The following ZSCAN18 variants were observed in gnomAD, a reference collection of about 807,000 sequenced individuals.
ZSCAN18 encodes the protein zinc finger and SCAN domain-containing protein 18.
Under a neutral mutation model 31.1 loss-of-function variants are expected in ZSCAN18, and 16 were observed. The ratio of observed to expected loss-of-function variants is 0.51; its 90% CI spans 0.35 to 0.78. ZSCAN18 has a LOEUF of 0.78. ZSCAN18 is among the 30% of genes least tolerant of loss of function. ZSCAN18 has a pLI of 0.01. For missense variants in ZSCAN18, 731 were observed against 697.4 expected, an observed-to-expected ratio of 1.05 and a Z score of -0.54; for synonymous variants, 375 against 320.7, an observed-to-expected ratio of 1.17 and a Z score of -1.81.
upstream of ZSCAN18, among the ~76,000 whole-genome samples, chr19:58,102,489 CA>C (rs573237832): frequency 0.017 from 2,515 of 152,012 alleles, 33 homozygotes; most frequent in Non-Finnish European, 0.023. Context: ...AACAAACAAA[CA>C]AACCATATAC....
chr19:58,116,537 G>T (rs2146033093), intron 1 of ZSCAN18, among the ~76,000 whole-genome samples: 1 of 152,226 alleles, frequency 6.6e-6, no homozygotes, highest in African/African-American at 2.4e-5. Flanking sequence ...CAGTTTCTGA[G>T]TTACAGCTCC....
intron 2 of ZSCAN18, among the ~76,000 whole-genome samples, chr19:58,089,301 T>TCC (rs1438799037): frequency 3.8e-4 from 3 of 7,864 alleles, no homozygotes; most frequent in African/African-American, 1.9e-3. Flanking sequence ...AGACTCCGTC[T>TCC]CAAAAAAAAA....
chr19:58,106,722 A>G lies in ZSCAN18; in HGVS notation c.130+11545T>C, dbSNP rs1420494517. On this transcript the variant is annotated intron_variant, in intron 1 of 1. Coordinates refer to the ZSCAN18 transcript ENST00000595721. ...CCGTCTCAAAAAAAAAAAAAAAAAA[A>G]AAAAAAGAAAGAAAGAAAAAAAGAC... is the stretch of plus-strand genomic sequence containing the variant. Among the ~76,000 whole-genome samples the G allele has an allele frequency of 4.1e-3, 41 of 10,062 alleles. 13 individuals are homozygous for G. Among genetic ancestry groups the G allele is most frequent in the African/African-American group, 7.2e-3 (40 of 5,522 alleles). The allele number at this position is 10,062 out of a possible 152,430, so 6.6% of individuals were successfully genotyped here.
rs1056769083 is a variant in ZSCAN18, at chr19:58,084,025, C to T, written c.*660G>A. ...GCCTTTACTACATGATGCATTCTGGCCTACTTTATTCTGCTTCATTGCTGT... is the reference window on the plus strand; with the variant it reads ...GCCTTTACTACATGATGCATTCTGGTCTACTTTATTCTGCTTCATTGCTGT... On this transcript the variant is annotated 3_prime_UTR_variant, in exon 7 of 7. Transcript: ENST00000601144. This position sits in a 1 kb window ranked among gnomAD's most constrained non-coding sequence, Gnocchi z 4.5. 1.3e-5 allele frequency: 2 copies of T among 152,182 alleles called. No homozygotes were observed. Among genetic ancestry groups the T allele is most frequent in the Non-Finnish European group, 2.9e-5 (2 of 68,040 alleles). 9.4% of individuals were successfully genotyped at this position (152,182 alleles called of 1,614,324 possible).
chr19:58,094,287 C>T (rs539154255), intron 1 of ZSCAN18, among the ~76,000 whole-genome samples: 47 of 151,310 alleles, frequency 3.1e-4, no homozygotes, highest in South Asian at 1.0e-3. Context: ...GGCAGGCGCC[C>T]GTAGTCCCAG....
At chr19:58,110,179 C>T (rs560054141) in intron 1 of ZSCAN18, among the ~76,000 whole-genome samples, 32 of 152,304 alleles carry the variant, frequency 2.1e-4, no homozygotes, top group African/African-American at 7.7e-4. Flanking sequence ...CATGCCCATC[C>T]TCTAGCTGTA....
chr19:58,116,659 A>G (rs1568647570), intron 1 of ZSCAN18, among the ~76,000 whole-genome samples: 1 of 152,130 alleles, frequency 6.6e-6, no homozygotes, highest in Non-Finnish European at 1.5e-5. Context: ...ACCTGATGCA[A>G]GCTCCATCAT....
At chr19:58,089,329 A>C (rs1196323817) in intron 2 of ZSCAN18, among the ~76,000 whole-genome samples, 1 of 131,614 alleles carries the variant, frequency 7.6e-6, no homozygotes, top group Admixed American at 7.8e-5. Flanking sequence ...AAAAAAAAAA[A>C]AAAAAAAAAG....
At position 58,086,037 on chromosome 19, in the gene ZSCAN18, A is replaced by G. The variant is rs118084515; in HGVS notation, c.838+137T>C. The stretch of plus-strand genomic sequence containing the variant: ...GTAACTGGATTCCTGCCTCACTCAG[A>G]CACGGTGGTGGGAGAATGGTGAAGC... On this transcript the variant is annotated intron_variant, in intron 6 of 6. Transcript: ENST00000601144. The G allele has an allele frequency of 2.9e-3, 2,013 of 689,616 alleles. 9 individuals carry two copies. The highest frequency in any genetic ancestry group is 4.3e-3 in the Non-Finnish European group (1,692 of 394,844). The allele number at this position is 689,616 out of a possible 1,614,324, so 42.7% of individuals were successfully genotyped here. A position where few individuals can be genotyped will look rare whatever the true frequency, so the allele number is the denominator to read the frequency against.
intron 1 of ZSCAN18, chr19:58,108,608 T>C (rs1213248632): frequency 7.1e-6 from 7 of 985,706 alleles, no homozygotes; most frequent in Non-Finnish European, 8.4e-6. Context: ...CTCTCTCCAG[T>C]ATGAGTCCTC....
intron 1 of ZSCAN18, among the ~76,000 whole-genome samples, chr19:58,094,275 G>A (rs1363617419): frequency 6.6e-6 from 1 of 151,700 alleles, no homozygotes; most frequent in Non-Finnish European, 1.5e-5. Flanking sequence ...GCCAGGCATG[G>A]TGGCAGGCGC....
chr19:58,113,586 T>G (rs2074705651), intron 1 of ZSCAN18, among the ~76,000 whole-genome samples: 1 of 152,194 alleles, frequency 6.6e-6, no homozygotes. Flanking sequence ...CAGGTTTGCT[T>G]GACCCAGTTT....
upstream of ZSCAN18, among the ~76,000 whole-genome samples, chr19:58,102,949 C>T (rs2074606913): frequency 6.6e-6 from 1 of 151,864 alleles, no homozygotes; most frequent in Non-Finnish European, 1.5e-5. Flanking sequence ...CTGGCAAAAC[C>T]TCGTCTCTAC....
intron 1 of ZSCAN18, chr19:58,093,372 G>A (rs1205819822): frequency 6.6e-6 from 1 of 152,306 alleles, no homozygotes; most frequent in African/African-American, 2.4e-5. Flanking sequence ...GGACCCTCAT[G>A]TCCATCTCTG....
At chr19:58,085,724 T>C (rs746922318) in intron 6 of ZSCAN18, 2 of 385,966 alleles carry the variant, frequency 5.2e-6, no homozygotes, top group Non-Finnish European at 9.4e-6. Context: ...GAGAGCCTGC[T>C]CAGAGCGCAC....
upstream of ZSCAN18, among the ~76,000 whole-genome samples, chr19:58,101,943 T>C (rs1442823355): frequency 6.6e-6 from 1 of 152,022 alleles, no homozygotes; most frequent in African/African-American, 2.4e-5. Flanking sequence ...TAGGGTTGAG[T>C]TTCCTATATA....
rs567855992 is a variant in ZSCAN18 at position 58,118,090 on chromosome 19, G to A, written c.130+177C>T. Among the ~76,000 whole-genome samples the A allele has an allele frequency of 4.1e-3, 625 of 152,216 alleles. 3 individuals carry two copies. Among genetic ancestry groups the A allele is most frequent in the Non-Finnish European group, 7.3e-3 (494 of 67,984 alleles). ...CCCGCACGCCAAGGGGAGAAGACAC[G>A]CGGGACGGTCCGCGCCTGGCGGAGA... On this transcript the variant is annotated intron_variant, in intron 1 of 1. Transcript: ENST00000595721.
At chr19:58,109,107 T>C (rs1600011026) in intron 1 of ZSCAN18, 1 of 1,228,030 alleles carries the variant, frequency 8.1e-7, no homozygotes, top group Non-Finnish European at 1.0e-6. Context: ...GGTCCTTGTG[T>C]GTGGATGCTG....
At chr19:58,086,440 G>C (rs919692483) in intron 5 of ZSCAN18, 174 bp from the exon 6 acceptor site, 1 of 539,054 alleles carries the variant, frequency 1.9e-6, no homozygotes, top group Non-Finnish European at 3.3e-6. Context: ...CAAAGAAGAA[G>C]GCGAGGCTGG....
Sources: allele counts gnomAD v4.1 joint callset (sites outside exome capture counted in the v4.1 genomes callset), GRCh38; gene constraint gnomAD v4.1.1; non-coding constraint Gnocchi (gnomAD v3.1); transcripts MANE v1.5; gene names NCBI Gene and HGNC (gene_info 2026-07-23, HGNC 2026-07-21).